KIAA1328: variants seen among roughly 807,000 people sequenced by gnomAD.
KIAA1328 encodes the protein protein hinderin.
A neutral mutation model predicts 68.1 loss-of-function variants in KIAA1328; 52 were observed. That is an observed-to-expected ratio of 0.76 (90% CI 0.61 to 0.96). KIAA1328 has a LOEUF of 0.96. KIAA1328 is among the 40% of genes least tolerant of loss of function. The pLI is 0.00. For synonymous variants in KIAA1328, 232 were observed against 239.4 expected (o/e 0.97, Z 0.28); for missense variants, 641 against 677.6 (o/e 0.95, Z 0.60).
chr18:36,875,253 A>G (rs895165890), intron 4 of KIAA1328, among the ~76,000 whole-genome samples: 5 of 152,194 alleles, frequency 3.3e-5, no homozygotes, highest in African/African-American at 1.2e-4. Flanking sequence ...TCTATAAGTT[A>G]CTTTGGGCAG....
chr18:37,125,579 G>A (rs1227960046), intron 7 of KIAA1328, among the ~76,000 whole-genome samples: 1 of 152,102 alleles, frequency 6.6e-6, no homozygotes, highest in Non-Finnish European at 1.5e-5. Flanking sequence ...CTTTAAAGGT[G>A]TCAATAAAAT....
chr18:36,946,225 T>C (rs2050894418), intron 5 of KIAA1328: 1 of 152,206 alleles, frequency 6.6e-6, no homozygotes, highest in African/African-American at 2.4e-5. Context: ...ACTTTCTATA[T>C]GCTTCCTTCC....
chr18:36,918,477 A>G (rs1488822397), intron 5 of KIAA1328, among the ~76,000 whole-genome samples: 2 of 147,480 alleles, frequency 1.4e-5, no homozygotes, highest in Non-Finnish European at 3.0e-5. Context: ...CAGTGGTGCA[A>G]TCTTGGCTCA....
At chr18:36,843,639 G>A (rs1162950630) in intron 3 of KIAA1328, among the ~76,000 whole-genome samples, 1 of 152,052 alleles carries the variant, frequency 6.6e-6, no homozygotes, top group African/African-American at 2.4e-5. Flanking sequence ...AAGTAGAATA[G>A]GAATAGTAAC....
chr18:36,831,115 C>T (rs1056376010), intron 1 of KIAA1328, among the ~76,000 whole-genome samples: 1 of 152,122 alleles, frequency 6.6e-6, no homozygotes, highest in Non-Finnish European at 1.5e-5. Context: ...CACCCTAGAG[C>T]CTTTATAGTA....
At chr18:37,047,070 G>A (rs2055501473) in intron 6 of KIAA1328, among the ~76,000 whole-genome samples, 1 of 152,174 alleles carries the variant, frequency 6.6e-6, no homozygotes, top group African/African-American at 2.4e-5. Flanking sequence ...TCGCGCCACT[G>A]CACTCCAGCC....
chr18:37,124,356 A>T (rs1184849775), intron 7 of KIAA1328, among the ~76,000 whole-genome samples: 1 of 151,888 alleles, frequency 6.6e-6, no homozygotes, highest in Non-Finnish European at 1.5e-5. Context: ...GTTTATAGTA[A>T]GTCCTGTTGA....
chr18:37,085,002 G>A (rs1470445121), intron 7 of KIAA1328, among the ~76,000 whole-genome samples: 1 of 152,062 alleles, frequency 6.6e-6, no homozygotes, highest in Non-Finnish European at 1.5e-5. Context: ...CTCAGGTTGA[G>A]ACTATAAAGA....
intron 9 of KIAA1328, among the ~76,000 whole-genome samples, chr18:37,175,712 A>AT (rs1186331807): frequency 6.6e-6 from 1 of 152,172 alleles, no homozygotes; most frequent in Admixed American, 6.5e-5. Context: ...TAGAAAAGAC[A>AT]TTTTTTTAAA....
At chr18:37,146,923 G>T (rs1386707910) in intron 7 of KIAA1328, among the ~76,000 whole-genome samples, 1 of 152,152 alleles carries the variant, frequency 6.6e-6, no homozygotes, top group Non-Finnish European at 1.5e-5. Flanking sequence ...GAAGGTGTTT[G>T]TGTCATGGGA....
At chr18:37,212,451 G>A (rs112955698) in intron 9 of KIAA1328, among the ~76,000 whole-genome samples, 7 of 152,114 alleles carry the variant, frequency 4.6e-5, no homozygotes, top group African/African-American at 1.7e-4. Flanking sequence ...CCAGACCAGT[G>A]TAAAATGAAA....
At chr18:37,092,861 A>G (rs1041645808) in intron 7 of KIAA1328, among the ~76,000 whole-genome samples, 2 of 152,188 alleles carry the variant, frequency 1.3e-5, no homozygotes, top group Non-Finnish European at 2.9e-5. Context: ...TGTCAGCACT[A>G]GAACAAGCCA....
chr18:37,059,151 T>C (rs1048432029), intron 6 of KIAA1328, among the ~76,000 whole-genome samples: 3 of 152,160 alleles, frequency 2.0e-5, no homozygotes, highest in Admixed American at 2.0e-4. Flanking sequence ...TTTTCCCATC[T>C]GTAAAATGGT....
chr18:37,103,461 A>G (rs1482299848), intron 7 of KIAA1328, among the ~76,000 whole-genome samples: 1 of 152,184 alleles, frequency 6.6e-6, no homozygotes, highest in Admixed American at 6.5e-5. Context: ...ATGCGTATGA[A>G]TGAAACTAGA....
At chr18:37,110,315 G>A (rs919175705) in intron 7 of KIAA1328, among the ~76,000 whole-genome samples, 1 of 152,140 alleles carries the variant, frequency 6.6e-6, no homozygotes, top group African/African-American at 2.4e-5. Flanking sequence ...TGCAGTATGA[G>A]GTGAGAGTTA....
intron 5 of KIAA1328, among the ~76,000 whole-genome samples, chr18:36,892,767 T>C (rs2048732184): frequency 6.6e-6 from 1 of 152,204 alleles, no homozygotes; most frequent in Non-Finnish European, 1.5e-5. Flanking sequence ...ATTCTTTCCA[T>C]TTGTATTACA....
chr18:37,186,236 ACAGAC>A (rs2154216499), intron 9 of KIAA1328, among the ~76,000 whole-genome samples: 1 of 150,716 alleles, frequency 6.6e-6, no homozygotes, highest in Non-Finnish European at 1.5e-5. Flanking sequence ...AGCTGGGATT[ACAGAC>A]TTGCGCCACT....
At chr18:37,133,095 G>T (rs1403317459) in intron 7 of KIAA1328, among the ~76,000 whole-genome samples, 1 of 152,132 alleles carries the variant, frequency 6.6e-6, no homozygotes, top group Non-Finnish European at 1.5e-5. Context: ...AGCACTTTGG[G>T]AGGCTGAGGC....
intron 4 of KIAA1328, among the ~76,000 whole-genome samples, chr18:36,884,064 CT>C (rs965749188): frequency 1.5e-4 from 22 of 150,316 alleles, no homozygotes; most frequent in African/African-American, 5.4e-4. Flanking sequence ...AGCCTTTTTT[CT>C]TTCTTAGTAA....
Sources: gnomAD v4.1 joint callset for allele counts (sites outside exome capture counted in the v4.1 genomes callset) on GRCh38, gnomAD v4.1.1 for gene constraint, MANE v1.5 for transcripts, NCBI Gene and HGNC (gene_info 2026-07-23, HGNC 2026-07-21) for gene names.